Variants in MKNK1 observed in about 807,000 individuals in gnomAD.
MKNK1 encodes the protein MAPK interacting serine/threonine kinase 1.
In MKNK1, 30 loss-of-function variants were observed where a neutral mutation model predicts 49.3. The ratio of observed to expected loss-of-function variants is 0.61; its 90% CI spans 0.46 to 0.83. The LOEUF is 0.83. Ranked by LOEUF, MKNK1 falls within the 40% of genes least tolerant of loss-of-function variation. MKNK1 has a pLI of 0.00. For missense variants in MKNK1, 423 were observed against 524.7 expected (o/e 0.81, Z 1.89); for synonymous variants, 176 against 201.7 (o/e 0.87, Z 1.08).
chr1:46,558,645 CG>C lies in MKNK1; in HGVS notation c.1168del (p.Arg390AlafsTer47). 6.2e-7 allele frequency: 1 copy of C among 1,614,082 alleles called. No homozygotes were observed. Among genetic ancestry groups the C allele is most frequent in the Non-Finnish European group, 8.5e-7 (1 of 1,179,990 alleles). ...GGCCAGGGCCCGTCTCCGGGCCAGG[CG>C]TGACTTGCAGGGAGGGGAAAGCTTC... ...SMKLSPPCKSRLARRRALAQA... is the reference protein window; with the variant it reads ...SMKLSPPCKSXLARRRALAQA... On this transcript the variant is annotated frameshift_variant, in exon 13 of 13. Transcript: ENST00000371945. LOFTEE classifies it high-confidence loss of function.
At chr1:46,565,343 C>T in intron 8 of MKNK1, 1 of 575,212 alleles carries the variant, frequency 1.7e-6, no homozygotes, top group Non-Finnish European at 3.1e-6. Flanking sequence ...TATTTCCCAT[C>T]TAAGGGAAAA....
At chr1:46,591,619 G>A (rs1049052443) in intron 2 of MKNK1, among the ~76,000 whole-genome samples, 1 of 152,058 alleles carries the variant, frequency 6.6e-6, no homozygotes, top group African/African-American at 2.4e-5. Context: ...GGTGGGCTGC[G>A]CTCAAGGCCC....
intron 1 of MKNK1, chr1:46,594,829 A>G: frequency 2.4e-6 from 1 of 410,798 alleles, no homozygotes. Flanking sequence ...ACCCATCCCT[A>G]CAAAAATACT....
At position 46,562,546 on chromosome 1, in the gene MKNK1, C is replaced by G. The variant is rs1415250391; in HGVS notation, c.804+103G>C. On this transcript the variant is annotated intron_variant, in intron 10 of 12. Transcript: ENST00000371945. ...AGCGGGAGAGGGCACTATGAGCCCC[C>G]ATCCCGATCAGGAACGCTCTCCCAG... The G allele has an allele frequency of 6.9e-6, 9 of 1,313,058 alleles. No individual in the cohort carries two copies. In the South Asian group the frequency reaches 1.2e-4, roughly 17 times the overall value. The allele number at this position is 1,313,058 out of a possible 1,614,324, so 81.3% of individuals were successfully genotyped here. A position where few individuals can be genotyped will look rare whatever the true frequency, so the allele number is the denominator to read the frequency against.
intron 1 of MKNK1, among the ~76,000 whole-genome samples, chr1:46,597,071 G>C (rs1674164174): frequency 6.6e-6 from 1 of 152,052 alleles, no homozygotes; most frequent in African/African-American, 2.4e-5. Flanking sequence ...ATGGACCCTG[G>C]AGCCCTCTCC....
intron 3 of MKNK1, 56 bp from the exon 4 acceptor site, chr1:46,580,683 A>C: frequency 1.2e-4 from 149 of 1,253,962 alleles, no homozygotes; most frequent in Non-Finnish European, 1.6e-4. Flanking sequence ...CTGCAAGCTC[A>C]GATGGGAAGA....
chr1:46,572,219 TAA>T (rs1350553506), intron 6 of MKNK1, 52 bp from the exon 7 acceptor site: 3 of 1,506,024 alleles, frequency 2.0e-6, no homozygotes, highest in South Asian at 2.3e-5. Flanking sequence ...CTAGTAAGTA[TAA>T]GTTTTTTTTT....
Position 46,562,702 on chromosome 1 carries a change from G to A in MKNK1, c.751C>T (p.His251Tyr), listed in dbSNP as rs529428152. 14 of 1,577,898 alleles carry A rather than the reference G, an allele frequency of 8.9e-6. No individual in the cohort carries two copies. In the East Asian group the frequency reaches 3.2e-4, roughly 36 times the overall value. ...MLSGYPPFVG[H>Y]CGADCGWDRG... ...TCCCAGCCACAGTCGGCCCCGCAGTGACCCACGAAGGGTGGGTAGCCACTC... is the reference window on the plus strand; with the variant it reads ...TCCCAGCCACAGTCGGCCCCGCAGTAACCCACGAAGGGTGGGTAGCCACTC... The change falls in exon 10 of 13, where the codon CAC becomes TAC. Residue 251 changes from histidine (H) to tyrosine (Y), a missense_variant. Coordinates refer to ENST00000371945, the MANE Select transcript of MKNK1 (RefSeq NM_001135553.4).
At chr1:46,570,533 C>G (rs1439715510) in intron 7 of MKNK1, among the ~76,000 whole-genome samples, 1 of 152,216 alleles carries the variant, frequency 6.6e-6, no homozygotes, top group Non-Finnish European at 1.5e-5. Flanking sequence ...CCTGAACCTC[C>G]TGGACATGCG....
At position 46,576,631 on chromosome 1, in the gene MKNK1, G is replaced by A. The variant is rs1156799231; in HGVS notation, c.222C>T (p.His74=). 2.5e-6 allele frequency: 4 copies of A among 1,613,998 alleles called. No individual in the cohort carries two copies. The highest frequency in any genetic ancestry group is 3.4e-6 in the Non-Finnish European group (4 of 1,179,992). The part of the protein sequence containing the change: ...AVKIIEKQAG[H]SRSRVFREVE... ...CCTCTCGAAACACCCTACTCCGACT[G>A]TGCCCTGCTTGTTTCTCGATGATCT... is the stretch of plus-strand genomic sequence containing the variant. Residue 74 remains histidine, a synonymous_variant, in exon 5 of 13, where the codon CAC becomes CAT. Coordinates refer to ENST00000371945, the MANE Select transcript of MKNK1 (RefSeq NM_001135553.4).
intron 4 of MKNK1, 167 bp downstream of exon 4, chr1:46,580,358 GAAGTT>G (rs1213241569): frequency 3.3e-6 from 2 of 599,996 alleles, no homozygotes; most frequent in Non-Finnish European, 6.0e-6. Flanking sequence ...GAAGGACAGA[GAAGTT>G]AAGTAACTTG....
intron 1 of MKNK1, among the ~76,000 whole-genome samples, chr1:46,597,437 G>C (rs982135774): frequency 6.6e-6 from 1 of 152,048 alleles, no homozygotes; most frequent in East Asian, 1.9e-4. Flanking sequence ...GCCAGATCTC[G>C]ACCTGTTACT....
At chr1:46,560,369 G>A (rs1226276970) in intron 11 of MKNK1, 92 bp from the exon 12 acceptor site, 11 of 1,356,472 alleles carry the variant, frequency 8.1e-6, no homozygotes, top group East Asian at 2.3e-5. Flanking sequence ...GGTTACTATA[G>A]GCTGCTGGCG....
intron 7 of MKNK1, chr1:46,571,674 A>AT (rs1199921745): frequency 5.8e-6 from 2 of 342,370 alleles, no homozygotes; most frequent in Non-Finnish European, 1.1e-5. Context: ...ACTAGAAGGA[A>AT]TAACATCAAG....
chr1:46,559,474 C>A (rs1423021749), intron 12 of MKNK1, among the ~76,000 whole-genome samples: 1 of 152,190 alleles, frequency 6.6e-6, no homozygotes, highest in African/African-American at 2.4e-5. Flanking sequence ...GGCAGTCCAG[C>A]TGTAAAAGGG....
intron 7 of MKNK1, chr1:46,569,801 T>C (rs1476311306): frequency 3.3e-5 from 5 of 152,200 alleles, no homozygotes; most frequent in African/African-American, 4.8e-5. Context: ...GGAAGATATT[T>C]TCCATTACAG....
intron 1 of MKNK1, among the ~76,000 whole-genome samples, chr1:46,603,894 C>G (rs1235697332): frequency 6.6e-6 from 1 of 152,244 alleles, no homozygotes; most frequent in African/African-American, 2.4e-5. Flanking sequence ...CTGAGCCCTG[C>G]GCCCAGCCAT....
At position 46,557,548 on chromosome 1, in the gene MKNK1, C is replaced by T. The variant is rs867853610; in HGVS notation, c.*1027G>A. 2.6e-5 allele frequency: 4 copies of T among 152,658 alleles called. No homozygotes were observed. The highest frequency in any genetic ancestry group is 3.8e-4 in the East Asian group (2 of 5,204). The allele number at this position is 152,658 out of a possible 1,614,324, so 9.5% of individuals were successfully genotyped here. A position where few individuals can be genotyped will look rare whatever the true frequency, so the allele number is the denominator to read the frequency against. ...AGTTCCACTTATCTGAATGGCTGTACCTTCATGCACACGGGCAGCAGGCAC... is the reference window on the plus strand; with the variant it reads ...AGTTCCACTTATCTGAATGGCTGTATCTTCATGCACACGGGCAGCAGGCAC... On this transcript the variant is annotated 3_prime_UTR_variant, in exon 13 of 13. Coordinates refer to ENST00000371945, the MANE Select transcript of MKNK1 (RefSeq NM_001135553.4).
At chr1:46,568,203 C>T in intron 8 of MKNK1, 2 of 471,312 alleles carry the variant, frequency 4.2e-6, no homozygotes, top group Non-Finnish European at 7.7e-6. Context: ...TAATTTTGTG[C>T]AGGTCTCATA....
Sources: allele counts gnomAD v4.1 joint callset (sites outside exome capture counted in the v4.1 genomes callset), GRCh38; gene constraint gnomAD v4.1.1; transcripts MANE v1.5; gene names NCBI Gene and HGNC (gene_info 2026-07-23, HGNC 2026-07-21).